NAB1: variants seen among roughly 807,000 people sequenced by gnomAD.
NAB1 encodes NGFI-A-binding protein 1.
A neutral mutation model predicts 49.9 loss-of-function variants in NAB1; 25 were observed. That is an observed-to-expected ratio of 0.50 (90% CI 0.37 to 0.70). NAB1 has a LOEUF of 0.70. Ranked by LOEUF, NAB1 falls within the 30% of genes least tolerant of loss-of-function variation. The probability of loss-of-function intolerance (pLI) is 0.00; values close to 1 mark genes in which losing one functional copy is unlikely to be tolerated. For synonymous variants in NAB1, 198 were observed against 215.6 expected, an observed-to-expected ratio of 0.92 and a Z score of 0.71; for missense variants, 489 against 575.9, an observed-to-expected ratio of 0.85 and a Z score of 1.54.
intron 4 of NAB1, among the ~76,000 whole-genome samples, chr2:190,665,915 C>G (rs1309513049): frequency 6.6e-6 from 1 of 152,130 alleles, no homozygotes; most frequent in Non-Finnish European, 1.5e-5. Flanking sequence ...ATCTTAGACT[C>G]TTCAATTCTG....
At position 190,685,644 on chromosome 2, in the gene NAB1, T is replaced by G. The variant is rs1386239525; in HGVS notation, c.1258+6T>G. 11 of 1,596,360 alleles carry G rather than the reference T, an allele frequency of 6.9e-6. No individual in the cohort carries two copies. Among genetic ancestry groups the G allele is most frequent in the Non-Finnish European group, 9.4e-6 (11 of 1,171,768 alleles). On this transcript the variant is annotated splice_donor_region_variant and intron_variant, in intron 8 of 9. Coordinates refer to ENST00000337386, the MANE Select transcript of NAB1 (RefSeq NM_005966.4). This position sits in a 1 kb window ranked among gnomAD's most constrained non-coding sequence, Gnocchi z 4.5. The stretch of plus-strand genomic sequence containing the variant: ...CGATAACTCAGATGGACAAGGTACA[T>G]CTTTAGAATATCCTATGCCTTTAGG...
intron 4 of NAB1, among the ~76,000 whole-genome samples, chr2:190,660,377 T>A (rs967240187): frequency 3.3e-5 from 5 of 152,096 alleles, no homozygotes. Flanking sequence ...AAAGAAAAAA[T>A]TTCATAAAAA....
At position 190,667,803 on chromosome 2, in the gene NAB1, G is replaced by A. The variant is rs1314115914; in HGVS notation, c.820-2523G>A. On this transcript the variant is annotated intron_variant, in intron 4 of 9. Transcript: ENST00000337386. The surrounding 1 kb of genome is among the most constrained non-coding windows in gnomAD (Gnocchi z 4.4). ...AATACTTAGGTGGGAAAAGTAAAAC[G>A]ATTAGACTAAATTATGGAACATTTA... is the stretch of plus-strand genomic sequence containing the variant. Among the ~76,000 whole-genome samples, 2 of 151,894 alleles carry A rather than the reference G, an allele frequency of 1.3e-5. No homozygotes were observed. The highest frequency in any genetic ancestry group is 2.9e-5 in the Non-Finnish European group (2 of 67,958).
Position 190,666,577 on chromosome 2 carries a change from C to CA in NAB1, c.820-3748dup, listed in dbSNP as rs1694531356. Among the ~76,000 whole-genome samples, 1 of 152,054 alleles carries CA rather than the reference C, an allele frequency of 6.6e-6. No homozygotes were observed. The highest frequency in any genetic ancestry group is 2.4e-5 in the African/African-American group (1 of 41,414). On this transcript the variant is annotated intron_variant, in intron 4 of 9. Coordinates refer to ENST00000337386, the MANE Select transcript of NAB1 (RefSeq NM_005966.4). This position sits in a 1 kb window ranked among gnomAD's most constrained non-coding sequence, Gnocchi z 5.6. ...CAAAAAAATTGGCTGGGCATGGTGGCACATGCCTGTAGTCCCAGTAACTTG... is the reference window on the plus strand; with the variant it reads ...CAAAAAAATTGGCTGGGCATGGTGGCAACATGCCTGTAGTCCCAGTAACTTG...
chr2:190,680,497 C>T lies in NAB1; in HGVS notation c.1006-3241C>T, dbSNP rs557008281. Among the ~76,000 whole-genome samples the T allele has an allele frequency of 2.0e-5, 3 of 152,302 alleles. No individual in the cohort carries two copies. Among genetic ancestry groups the T allele is most frequent in the East Asian group, 1.9e-4 (1 of 5,180 alleles). On this transcript the variant is annotated intron_variant, in intron 6 of 9. Coordinates refer to ENST00000337386, the MANE Select transcript of NAB1 (RefSeq NM_005966.4). The surrounding 1 kb of genome is among the most constrained non-coding windows in gnomAD (Gnocchi z 5.2). Reference sequence around the variant, plus strand: ...CGCCCTCTGCTGTGCTCTGGGTCTCCGTCCATTTCCCTCCCTGGACTGTGT... The same window carrying T: ...CGCCCTCTGCTGTGCTCTGGGTCTCTGTCCATTTCCCTCCCTGGACTGTGT...
chr2:190,656,537 T>C (rs998404810), intron 3 of NAB1, among the ~76,000 whole-genome samples: 1 of 152,222 alleles, frequency 6.6e-6, no homozygotes, highest in Non-Finnish European at 1.5e-5. Context: ...GCATCTGTTA[T>C]CTTGGCTTTG....
At chr2:190,660,874 C>T (rs1694187616) in intron 4 of NAB1, among the ~76,000 whole-genome samples, 2 of 151,860 alleles carry the variant, frequency 1.3e-5, no homozygotes, top group Admixed American at 1.3e-4. Flanking sequence ...TCCCCAGAGT[C>T]AAATGTACAC....
At chr2:190,672,807 A>C (rs1032952237) in intron 5 of NAB1, among the ~76,000 whole-genome samples, 7 of 145,312 alleles carry the variant, frequency 4.8e-5, no homozygotes, top group African/African-American at 1.8e-4. Context: ...GTGAGACCCC[A>C]TCTTTAAAAA....
rs1261904879 is a variant in NAB1, at chr2:190,649,621, C to G, written c.-333-225C>G. Among the ~76,000 whole-genome samples, 2 of 152,006 alleles carry G rather than the reference C, an allele frequency of 1.3e-5. No homozygotes were observed. The highest frequency in any genetic ancestry group is 4.8e-5 in the African/African-American group (2 of 41,452). ...GGCCCTGACTCGTGCATTTTCCCTCCGAGAAAGGTTGGGGTGCCGAGTCCG... is the reference window on the plus strand; with the variant it reads ...GGCCCTGACTCGTGCATTTTCCCTCGGAGAAAGGTTGGGGTGCCGAGTCCG... On this transcript the variant is annotated intron_variant, in intron 1 of 9. Coordinates refer to ENST00000337386, the MANE Select transcript of NAB1 (RefSeq NM_005966.4). The surrounding 1 kb of genome is among the most constrained non-coding windows in gnomAD (Gnocchi z 6.1).
Position 190,690,294 on chromosome 2 carries a change from A to G in NAB1, c.1425A>G (p.Glu475=), listed in dbSNP as rs773416454. ...KDYPHSAFTL[E]KKVIKTEPED... ...ACCCTCATTCAGCTTTTACCTTAGA[A>G]AAGAAAGTCATCAAAACAGAGCCTG... The change falls in exon 10 of 10, where the codon GAA becomes GAG. Residue 475 remains glutamate (E), a synonymous_variant. Coordinates refer to ENST00000337386, the MANE Select transcript of NAB1 (RefSeq NM_005966.4). 15 of 1,612,912 alleles carry G rather than the reference A, an allele frequency of 9.3e-6. No homozygotes were observed. The South Asian group carries it at 1.6e-4, about 18-fold the overall frequency.
chr2:190,678,135 A>T lies in NAB1; in HGVS notation c.1005+4983A>T, dbSNP rs545818044. 6.6e-5 allele frequency among the ~76,000 whole-genome samples: 10 copies of T among 152,242 alleles called. No homozygotes were observed. Among genetic ancestry groups the T allele is most frequent in the Non-Finnish European group, 1.5e-4 (10 of 68,040 alleles). Reference sequence around the variant, plus strand: ...AAAACCTTGTGTTGGGAAGATACACAGAGTAAATCAGAAAAATTAGTTTGA... The same window carrying T: ...AAAACCTTGTGTTGGGAAGATACACTGAGTAAATCAGAAAAATTAGTTTGA... On this transcript the variant is annotated intron_variant, in intron 6 of 9. Transcript: ENST00000337386. This position sits in a 1 kb window ranked among gnomAD's most constrained non-coding sequence, Gnocchi z 4.9.
At position 190,670,228 on chromosome 2, in the gene NAB1, A is replaced by G. The variant is rs1694734305; in HGVS notation, c.820-98A>G. 1.8e-6 allele frequency: 2 copies of G among 1,118,092 alleles called. No homozygotes were observed. The highest frequency in any genetic ancestry group is 2.7e-4 in the Middle Eastern group (1 of 3,702). 69.3% of individuals were successfully genotyped at this position (1,118,092 alleles called of 1,614,324 possible). A position where few individuals can be genotyped will look rare whatever the true frequency, so the allele number is the denominator to read the frequency against. On this transcript the variant is annotated intron_variant, in intron 4 of 9. Transcript: ENST00000337386. The surrounding 1 kb of genome is among the most constrained non-coding windows in gnomAD (Gnocchi z 5.3). ...GATTTTTATGAATAATGATTCCATT[A>G]TATAATGGTGTAACATTCTTATATT...
In NAB1 at chr2:190,660,064, G is replaced by C. The variant is rs1396635796; in HGVS notation, c.819+69G>C. 5 of 1,422,542 alleles carry C rather than the reference G, an allele frequency of 3.5e-6. No homozygotes were observed. In the Admixed American group the frequency reaches 8.0e-5, roughly 23 times the overall value. The allele number at this position is 1,422,542 out of a possible 1,614,324, so 88.1% of individuals were successfully genotyped here. ...TTGCTAGTCGTTAGAGATAAATTTGGTAATAGTTTGCCACAAATGTGATAC... is the reference window on the plus strand; with the variant it reads ...TTGCTAGTCGTTAGAGATAAATTTGCTAATAGTTTGCCACAAATGTGATAC... On this transcript the variant is annotated intron_variant, in intron 4 of 9. Transcript: ENST00000337386.
In NAB1 at chr2:190,675,773, TG is replaced by T. The variant is rs1309917857; in HGVS notation, c.1005+2622del. ...AATTTAGGACAGTGGCTCACTTTTT[TG>T]TTGTTGGTTTGTTTTTAATTTTGTT... On this transcript the variant is annotated intron_variant, in intron 6 of 9. Coordinates refer to ENST00000337386, the MANE Select transcript of NAB1 (RefSeq NM_005966.4). The surrounding 1 kb of genome is among the most constrained non-coding windows in gnomAD (Gnocchi z 5.2). 6.6e-6 allele frequency among the ~76,000 whole-genome samples: 1 copy of T among 152,190 alleles called. No homozygotes were observed. Among genetic ancestry groups the T allele is most frequent in the Non-Finnish European group, 1.5e-5 (1 of 68,026 alleles).
chr2:190,670,050 C>T lies in NAB1; in HGVS notation c.820-276C>T, dbSNP rs567596640. 5.9e-5 allele frequency among the ~76,000 whole-genome samples: 9 copies of T among 151,620 alleles called. No individual in the cohort carries two copies. Among genetic ancestry groups the T allele is most frequent in the East Asian group, 3.9e-4 (2 of 5,164 alleles). ...ATTTTTTACTTTTTATTTTCCTTGTCGTCTATAAACTCTCCTATCTAACCA... is the reference window on the plus strand; with the variant it reads ...ATTTTTTACTTTTTATTTTCCTTGTTGTCTATAAACTCTCCTATCTAACCA... On this transcript the variant is annotated intron_variant, in intron 4 of 9. Transcript: ENST00000337386. The surrounding 1 kb of genome is among the most constrained non-coding windows in gnomAD (Gnocchi z 5.3).
At position 190,692,316 on chromosome 2, in the gene NAB1, C is replaced by T. The variant is rs560108771; in HGVS notation, c.*1983C>T. ...AAAGATGCAGTAATCTTCCAACTTC[C>T]AATATTTATCCATTCGTTGTGGACC... On this transcript the variant is annotated 3_prime_UTR_variant, in exon 10 of 10. Coordinates refer to ENST00000337386, the MANE Select transcript of NAB1 (RefSeq NM_005966.4). This position sits in a 1 kb window ranked among gnomAD's most constrained non-coding sequence, Gnocchi z 5.2. 2.2e-4 allele frequency: 33 copies of T among 152,564 alleles called. No individual in the cohort carries two copies. The highest frequency in any genetic ancestry group is 6.5e-4 in the African/African-American group (27 of 41,494). 9.5% of individuals were successfully genotyped at this position (152,564 alleles called of 1,614,324 possible).
rs1305760068 is a variant in NAB1 at position 190,669,369 on chromosome 2, C to T, written c.820-957C>T. Among the ~76,000 whole-genome samples, 1 of 152,122 alleles carries T rather than the reference C, an allele frequency of 6.6e-6. No homozygotes were observed. Among genetic ancestry groups the T allele is most frequent in the Non-Finnish European group, 1.5e-5 (1 of 68,014 alleles). The stretch of plus-strand genomic sequence containing the variant: ...CACAACCTTATGCCAGGTGTGTCTC[C>T]TCATCTACATCTTGTTAGAGCCTTT... On this transcript the variant is annotated intron_variant, in intron 4 of 9. Coordinates refer to ENST00000337386, the MANE Select transcript of NAB1 (RefSeq NM_005966.4). The surrounding 1 kb of genome is among the most constrained non-coding windows in gnomAD (Gnocchi z 4.3).
In NAB1 at chr2:190,689,288, C is replaced by G. The variant is rs961975039; in HGVS notation, c.1376-957C>G. ...TTGGTAAAAGAGAAGTAATTTCTAC[C>G]TCGTAGGGTAGTTAGGAGGATTAAA... On this transcript the variant is annotated intron_variant, in intron 9 of 9. Coordinates refer to ENST00000337386, the MANE Select transcript of NAB1 (RefSeq NM_005966.4). This position sits in a 1 kb window ranked among gnomAD's most constrained non-coding sequence, Gnocchi z 4.3. Among the ~76,000 whole-genome samples the G allele has an allele frequency of 2.0e-5, 3 of 152,094 alleles. No individual in the cohort carries two copies. The highest frequency in any genetic ancestry group is 6.5e-5 in the Admixed American group (1 of 15,286).
At position 190,680,873 on chromosome 2, in the gene NAB1, T is replaced by C. The variant is rs1410197280; in HGVS notation, c.1006-2865T>C. ...TAACAAACATTTATCAAGTAATTCC[T>C]ATGGGCCAGGCACTGTGTTAAGTAT... On this transcript the variant is annotated intron_variant, in intron 6 of 9. Transcript: ENST00000337386. The surrounding 1 kb of genome is among the most constrained non-coding windows in gnomAD (Gnocchi z 5.2). 6.6e-6 allele frequency among the ~76,000 whole-genome samples: 1 copy of C among 152,214 alleles called. No homozygotes were observed. Among genetic ancestry groups the C allele is most frequent in the African/African-American group, 2.4e-5 (1 of 41,452 alleles).
Sources: allele counts gnomAD v4.1 joint callset (sites outside exome capture counted in the v4.1 genomes callset), GRCh38; gene constraint gnomAD v4.1.1; non-coding constraint Gnocchi (gnomAD v3.1); transcripts MANE v1.5; gene names NCBI Gene and HGNC (gene_info 2026-07-23, HGNC 2026-07-21).